Variants in SPATA17 observed in about 807,000 individuals in gnomAD.
SPATA17 encodes spermatogenesis associated 17.
In SPATA17, 53 loss-of-function variants were observed where a neutral mutation model predicts 62.2. The ratio of observed to expected loss-of-function variants is 0.85; its 90% confidence interval spans 0.68 to 1.07. The LOEUF is 1.07. SPATA17 is among the 50% of genes least tolerant of loss of function. SPATA17 has a pLI of 0.00. For synonymous variants in SPATA17, 146 were observed against 146.8 expected, an observed-to-expected ratio of 0.99 and a Z score of 0.04; for missense variants, 466 against 425.5, an observed-to-expected ratio of 1.10 and a Z score of -0.84.
At chr1:217,670,738 G>T (rs770659723) in intron 4 of SPATA17, among the ~76,000 whole-genome samples, 1 of 152,214 alleles carries the variant, frequency 6.6e-6, no homozygotes, top group East Asian at 1.9e-4. Context: ...ATCACCTGAC[G>T]TCAGGAGTTC....
chr1:217,697,362 A>G (rs1265632727), intron 5 of SPATA17, among the ~76,000 whole-genome samples: 1 of 152,208 alleles, frequency 6.6e-6, no homozygotes, highest in Non-Finnish European at 1.5e-5. Flanking sequence ...ATTACAATTT[A>G]TGTGTTCATC....
At chr1:217,775,338 C>G (rs1673559453) in intron 7 of SPATA17, among the ~76,000 whole-genome samples, 1 of 152,070 alleles carries the variant, frequency 6.6e-6, no homozygotes. Flanking sequence ...CATGCCTTAT[C>G]AGATACATGG....
At chr1:217,782,346 T>G (rs752274131) in intron 8 of SPATA17, 24 bp downstream of exon 8, 1 of 1,569,774 alleles carries the variant, frequency 6.4e-7, no homozygotes, top group South Asian at 1.2e-5. Context: ...TTAACAAAAA[T>G]AGCTGTGACA....
intron 4 of SPATA17, among the ~76,000 whole-genome samples, chr1:217,678,471 G>A (rs1201786062): frequency 6.6e-6 from 1 of 151,664 alleles, no homozygotes; most frequent in Admixed American, 6.6e-5. Flanking sequence ...GCCTCCCAAA[G>A]CACAGGGATT....
At chr1:217,664,391 G>C (rs1451596254) in intron 3 of SPATA17, among the ~76,000 whole-genome samples, 1 of 147,618 alleles carries the variant, frequency 6.8e-6, no homozygotes, top group Non-Finnish European at 1.5e-5. Context: ...CCAGGTTCAA[G>C]CAATTCTCCT....
Position 217,646,769 on chromosome 1 carries a change from C to T in SPATA17, c.69-2113C>T, listed in dbSNP as rs575154916. 2.0e-5 allele frequency among the ~76,000 whole-genome samples: 3 copies of T among 152,170 alleles called. No individual in the cohort carries two copies. The East Asian group carries it at 5.8e-4, about 29-fold the overall frequency. The stretch of plus-strand genomic sequence containing the variant: ...AATTAACCAGGCATGGTGGCGTGCA[C>T]CTGTAGTTCCAGCTACTCGGAGGCT... On this transcript the variant is annotated intron_variant, in intron 1 of 10. Coordinates refer to ENST00000366933, the MANE Select transcript of SPATA17 (RefSeq NM_138796.4).
Position 217,801,851 on chromosome 1 carries a change from G to A in SPATA17, c.1005+1G>A. ...TCCTAAGAAATGGATCTGTGACAAG[G>A]TGAGTTAACAAAACATTTTAAAAAG... On this transcript the variant is annotated splice_donor_variant, in intron 9 of 10. Coordinates refer to ENST00000366933, the MANE Select transcript of SPATA17 (RefSeq NM_138796.4). LOFTEE classifies it high-confidence loss of function. The A allele has an allele frequency of 2.5e-6, 4 of 1,597,330 alleles. No homozygotes were observed. Among genetic ancestry groups the A allele is most frequent in the Non-Finnish European group, 2.6e-6 (3 of 1,175,542 alleles).
intron 3 of SPATA17, among the ~76,000 whole-genome samples, chr1:217,663,105 T>C (rs1401845992): frequency 6.6e-6 from 1 of 152,150 alleles, no homozygotes; most frequent in Non-Finnish European, 1.5e-5. Context: ...AGAAAGAATA[T>C]AATTGGCTTT....
chr1:217,846,547 A>G (rs571779971), intron 9 of SPATA17, among the ~76,000 whole-genome samples: 2 of 152,164 alleles, frequency 1.3e-5, no homozygotes, highest in African/African-American at 4.8e-5. Flanking sequence ...CCTTTCAAGC[A>G]CTTTTAACCT....
chr1:217,827,359 C>T (rs1390818240), intron 9 of SPATA17, among the ~76,000 whole-genome samples: 1 of 152,038 alleles, frequency 6.6e-6, no homozygotes, highest in African/African-American at 2.4e-5. Flanking sequence ...GCAATATACA[C>T]ATTTAAGACA....
At chr1:217,656,069 A>T (rs926070024) in intron 3 of SPATA17, among the ~76,000 whole-genome samples, 1 of 151,770 alleles carries the variant, frequency 6.6e-6, no homozygotes, top group African/African-American at 2.4e-5. Flanking sequence ...TTTTTAGTAG[A>T]GATGGGGTTT....
Position 217,790,601 on chromosome 1 carries a change from C to T in SPATA17, c.872+8279C>T, listed in dbSNP as rs564654972. On this transcript the variant is annotated intron_variant, in intron 8 of 10. Transcript: ENST00000366933. ...GACTACAGGCGTCCGCCACCGTGCC[C>T]GGCTAATTTTTTGTATTTTTAGTAG... is the stretch of plus-strand genomic sequence containing the variant. Among the ~76,000 whole-genome samples the T allele has an allele frequency of 1.5e-4, 23 of 152,210 alleles. No individual in the cohort carries two copies. The South Asian group carries it at 1.7e-3, about 11-fold the overall frequency.
At chr1:217,682,866 A>G (rs1671119144) in intron 4 of SPATA17, among the ~76,000 whole-genome samples, 1 of 152,152 alleles carries the variant, frequency 6.6e-6, no homozygotes. Flanking sequence ...ACAAAATACA[A>G]AAACTAAACG....
chr1:217,678,939 C>A (rs1571725540), intron 4 of SPATA17, among the ~76,000 whole-genome samples: 1 of 151,090 alleles, frequency 6.6e-6, no homozygotes, highest in East Asian at 1.9e-4. Context: ...GAAGTAGTAA[C>A]CCGTTCACCT....
chr1:217,666,448 A>G (rs1670695876), intron 3 of SPATA17, among the ~76,000 whole-genome samples: 3 of 152,298 alleles, frequency 2.0e-5, no homozygotes, highest in South Asian at 2.1e-4. Flanking sequence ...AAAAACAAAG[A>G]TAAAATTTTA....
intron 9 of SPATA17, among the ~76,000 whole-genome samples, chr1:217,819,530 A>G (rs555528200): frequency 6.5e-4 from 98 of 151,868 alleles, no homozygotes; most frequent in African/African-American, 2.3e-3. Context: ...GCCTTTTAAC[A>G]CTTAGTTTTG....
At chr1:217,788,802 A>G (rs182784717) in intron 8 of SPATA17, among the ~76,000 whole-genome samples, 132 of 152,296 alleles carry the variant, frequency 8.7e-4, no homozygotes, top group African/African-American at 3.1e-3. Flanking sequence ...CTCAAGAATG[A>G]TAAGTTAATA....
At position 217,810,284 on chromosome 1, in the gene SPATA17, A is replaced by C. The variant is rs549109672; in HGVS notation, c.1005+8434A>C. Among the ~76,000 whole-genome samples, 6 of 152,316 alleles carry C rather than the reference A, an allele frequency of 3.9e-5. No homozygotes were observed. In the South Asian group the frequency reaches 6.2e-4, roughly 16 times the overall value. On this transcript the variant is annotated intron_variant, in intron 9 of 10. Transcript: ENST00000366933. The stretch of plus-strand genomic sequence containing the variant: ...GAGGAATAATTATATGCCTCCATAT[A>C]CTTTTAGAAGGCATACATACTTAAG...
chr1:217,807,565 T>C (rs191839478), intron 9 of SPATA17, among the ~76,000 whole-genome samples: 2 of 152,274 alleles, frequency 1.3e-5, no homozygotes, highest in East Asian at 3.9e-4. Flanking sequence ...TTTATATCTA[T>C]AGCTTTTTAA....
Sources: allele counts gnomAD v4.1 joint callset (sites outside exome capture counted in the v4.1 genomes callset), GRCh38; gene constraint gnomAD v4.1.1; transcripts MANE v1.5; gene names NCBI Gene and HGNC (gene_info 2026-07-23, HGNC 2026-07-21).